The following CDKAL1 variants were observed in gnomAD, a reference collection of about 807,000 sequenced individuals.
The protein encoded by CDKAL1 is CDKAL1 threonylcarbamoyladenosine tRNA methylthiotransferase, also known as threonylcarbamoyladenosine tRNA methylthiotransferase.
Under a neutral mutation model 68.2 loss-of-function variants are expected in CDKAL1, and 32 were observed. That is an observed-to-expected ratio of 0.47 (90% confidence interval 0.35 to 0.63). The LOEUF is 0.63. Ranked by LOEUF, CDKAL1 falls within the 30% of genes least tolerant of loss-of-function variation. The pLI is 0.00. For missense variants in CDKAL1, 606 were observed against 696.7 expected (o/e 0.87, Z 1.47); for synonymous variants, 234 against 244.3 (o/e 0.96, Z 0.39).
At chr6:21,154,977 G>A (rs993367346) in intron 13 of CDKAL1, among the ~76,000 whole-genome samples, 84 of 149,534 alleles carry the variant, frequency 5.6e-4, no homozygotes, top group East Asian at 2.0e-4. Flanking sequence ...GCCACAGAGC[G>A]AGACTCCGTC....
intron 11 of CDKAL1, among the ~76,000 whole-genome samples, chr6:21,005,142 A>G (rs184149556): frequency 6.6e-6 from 1 of 152,118 alleles, no homozygotes; most frequent in Admixed American, 6.5e-5. Flanking sequence ...TTACTTCCCA[A>G]TTCAATGATT....
intron 10 of CDKAL1, among the ~76,000 whole-genome samples, chr6:20,979,093 T>G (rs577163291): frequency 2.8e-4 from 43 of 152,164 alleles, no homozygotes; most frequent in Non-Finnish European, 5.6e-4. Flanking sequence ...AATCTTCAAG[T>G]TTAAAATGCA....
chr6:20,603,428 G>A (rs1035729850), intron 4 of CDKAL1, among the ~76,000 whole-genome samples: 2 of 152,166 alleles, frequency 1.3e-5, no homozygotes, highest in African/African-American at 2.4e-5. Context: ...TAAGTTAAAC[G>A]AGCTGGTGGC....
chr6:20,785,163 C>T (rs749905837), intron 8 of CDKAL1, among the ~76,000 whole-genome samples: 13 of 152,010 alleles, frequency 8.6e-5, no homozygotes, highest in Non-Finnish European at 1.5e-4. Context: ...CCATATTGTC[C>T]CAGAATGAGA....
At chr6:20,790,284 A>G (rs1490512401) in intron 8 of CDKAL1, among the ~76,000 whole-genome samples, 1 of 152,176 alleles carries the variant, frequency 6.6e-6, no homozygotes, top group Non-Finnish European at 1.5e-5. Context: ...TTCCATGGAA[A>G]GTAATATTTA....
chr6:20,694,090 G>A (rs1348396958), intron 5 of CDKAL1, among the ~76,000 whole-genome samples: 2 of 151,340 alleles, frequency 1.3e-5, no homozygotes, highest in African/African-American at 2.4e-5. Flanking sequence ...GTGTGTGTGT[G>A]TGTATGTAGG....
At chr6:20,666,607 T>C (rs1316516076) in intron 5 of CDKAL1, among the ~76,000 whole-genome samples, 3 of 152,040 alleles carry the variant, frequency 2.0e-5, no homozygotes, top group Admixed American at 1.3e-4. Flanking sequence ...TTACAGCAGC[T>C]GATCCTGGAA....
intron 9 of CDKAL1, among the ~76,000 whole-genome samples, chr6:20,947,885 A>AAAATCCT (rs1764329879): frequency 6.6e-6 from 1 of 152,200 alleles, no homozygotes; most frequent in South Asian, 2.1e-4. Context: ...ATAAAGTTGA[A>AAAATCCT]AAATCCTAAG....
chr6:20,941,547 TTGTC>T (rs1167554407), intron 9 of CDKAL1, among the ~76,000 whole-genome samples: 2 of 152,328 alleles, frequency 1.3e-5, no homozygotes, highest in African/African-American at 2.4e-5. Flanking sequence ...TTTTAAAAAA[TTGTC>T]TGTGTTTGTT....
intron 12 of CDKAL1, among the ~76,000 whole-genome samples, chr6:21,072,172 T>G (rs748941713): frequency 5.3e-5 from 8 of 152,216 alleles, no homozygotes; most frequent in Non-Finnish European, 8.8e-5. Flanking sequence ...CTCATGAGAA[T>G]GCATCAGGCT....
At chr6:21,162,863 G>A (rs1776983816) in intron 13 of CDKAL1, among the ~76,000 whole-genome samples, 1 of 152,054 alleles carries the variant, frequency 6.6e-6, no homozygotes, top group African/African-American at 2.4e-5. Context: ...AGGAGTTTGA[G>A]GCTGTAGTGT....
chr6:20,906,613 T>C (rs931222159), intron 9 of CDKAL1, among the ~76,000 whole-genome samples: 1 of 152,150 alleles, frequency 6.6e-6, no homozygotes, highest in Non-Finnish European at 1.5e-5. Context: ...TATGATGGGG[T>C]CATGTCCAAA....
intron 10 of CDKAL1, among the ~76,000 whole-genome samples, chr6:20,996,296 T>C (rs1227727627): frequency 2.0e-5 from 3 of 152,232 alleles, no homozygotes; most frequent in Non-Finnish European, 4.4e-5. Flanking sequence ...TTCAAGAACT[T>C]TTCCTTTGCA....
Position 21,047,085 on chromosome 6 carries a change from A to AT in CDKAL1, c.1056-17957dup, listed in dbSNP as rs773778019. Among the ~76,000 whole-genome samples the AT allele has an allele frequency of 5.4e-5, 8 of 148,462 alleles. No individual in the cohort carries two copies. The East Asian group carries it at 1.2e-3, about 22-fold the overall frequency. On this transcript the variant is annotated intron_variant, in intron 11 of 15. Coordinates refer to ENST00000274695, the MANE Select transcript of CDKAL1 (RefSeq NM_017774.3). ...GCTTGAAACAATTCTTAGTTAACTGATTTTTTGTGTTTTTTTTTTTTAAGA... is the reference window on the plus strand; with the variant it reads ...GCTTGAAACAATTCTTAGTTAACTGATTTTTTTGTGTTTTTTTTTTTTAAGA...
rs372625216 is a variant in CDKAL1 at position 20,960,390 on chromosome 6, G to A, written c.909+4805G>A. On this transcript the variant is annotated intron_variant, in intron 10 of 15. Transcript: ENST00000274695. Reference sequence around the variant, plus strand: ...ACTGGTTTCTAATCTATTCTAATTCGCAAATGCTTTCTACTCTACTGCATC... The same window carrying A: ...ACTGGTTTCTAATCTATTCTAATTCACAAATGCTTTCTACTCTACTGCATC... Among the ~76,000 whole-genome samples the A allele has an allele frequency of 8.5e-5, 13 of 152,254 alleles. No homozygotes were observed. The East Asian group carries it at 2.1e-3, about 25-fold the overall frequency.
In CDKAL1 at chr6:20,748,502, G is replaced by A. The variant is rs548806387; in HGVS notation, c.468+8887G>A. ...CAGGCTGTGGCGAGTTGTTGTGATTGTGCCACTGCACTCCAGCTCCAGCTT... is the reference window on the plus strand; with the variant it reads ...CAGGCTGTGGCGAGTTGTTGTGATTATGCCACTGCACTCCAGCTCCAGCTT... On this transcript the variant is annotated intron_variant, in intron 6 of 15. Coordinates refer to ENST00000274695, the MANE Select transcript of CDKAL1 (RefSeq NM_017774.3). Among the ~76,000 whole-genome samples the A allele has an allele frequency of 8.3e-5, 11 of 132,846 alleles. No individual in the cohort carries two copies. In the South Asian group the frequency reaches 2.1e-3, roughly 25 times the overall value. 87.2% of individuals were successfully genotyped at this position (132,846 alleles called of 152,430 possible).
chr6:21,153,623 C>T (rs900490076), intron 13 of CDKAL1, among the ~76,000 whole-genome samples: 1 of 151,848 alleles, frequency 6.6e-6, no homozygotes, highest in African/African-American at 2.4e-5. Flanking sequence ...AACCTGAGGA[C>T]ATGAGTTACA....
intron 8 of CDKAL1, among the ~76,000 whole-genome samples, chr6:20,794,585 A>G (rs1177285499): frequency 1.3e-5 from 2 of 152,154 alleles, no homozygotes; most frequent in African/African-American, 2.4e-5. Flanking sequence ...ATACAAAACT[A>G]TTCATAGTTA....
At chr6:20,577,375 A>T (rs1008796658) in intron 4 of CDKAL1, among the ~76,000 whole-genome samples, 5 of 152,138 alleles carry the variant, frequency 3.3e-5, no homozygotes, top group Non-Finnish European at 7.4e-5. Context: ...TTCACTTTGT[A>T]CCTTTTTGCT....
Sources: gnomAD v4.1 joint callset for allele counts (sites outside exome capture counted in the v4.1 genomes callset) on GRCh38, gnomAD v4.1.1 for gene constraint, MANE v1.5 for transcripts, NCBI Gene and HGNC (gene_info 2026-07-23, HGNC 2026-07-21) for gene names.